The following LPP variants were observed in gnomAD, a reference collection of about 807,000 sequenced individuals.
The protein encoded by LPP is lipoma-preferred partner.
LPP carries 38 observed loss-of-function variants against 60.4 expected under a neutral mutation model. That is an observed-to-expected ratio of 0.63 (90% CI 0.49 to 0.83). The LOEUF (loss-of-function observed/expected upper bound fraction) is 0.83, where lower values mean the gene tolerates loss of function less well. LPP is among the 40% of genes least tolerant of loss of function. The pLI is 0.00. For missense variants in LPP, 902 were observed against 783.6 expected, an observed-to-expected ratio of 1.15 and a Z score of -1.80; for synonymous variants, 328 against 290.8, an observed-to-expected ratio of 1.13 and a Z score of -1.30.
At chr3:188,748,490 T>A (rs1727004303) in intron 8 of LPP, among the ~76,000 whole-genome samples, 2 of 151,900 alleles carry the variant, frequency 1.3e-5, no homozygotes, top group East Asian at 1.9e-4. Context: ...TTAAAAAAAA[T>A]AATAAACAAC....
intron 3 of LPP, among the ~76,000 whole-genome samples, chr3:188,344,427 G>C (rs1763807336): frequency 6.6e-6 from 1 of 152,182 alleles, no homozygotes; most frequent in African/African-American, 2.4e-5. Context: ...GAAGCCATGA[G>C]AATCCTTTTC....
intron 8 of LPP, chr3:188,711,029 T>C (rs923039424): frequency 1.3e-5 from 2 of 152,214 alleles, no homozygotes; most frequent in Non-Finnish European, 2.9e-5. Flanking sequence ...GTTCTTGGCA[T>C]GTAGAATATG....
At chr3:188,592,401 T>C (rs1272188012) in intron 6 of LPP, among the ~76,000 whole-genome samples, 1 of 151,554 alleles carries the variant, frequency 6.6e-6, no homozygotes, top group African/African-American at 2.4e-5. Flanking sequence ...TACACACAGA[T>C]ACAAGTATAC....
At chr3:188,448,886 A>G (rs1044855917) in intron 4 of LPP, among the ~76,000 whole-genome samples, 2 of 152,232 alleles carry the variant, frequency 1.3e-5, no homozygotes, top group African/African-American at 4.8e-5. Context: ...TTAGAATCAG[A>G]AATGTGTCTT....
chr3:188,199,339 C>G (rs1730399707), intron 1 of LPP, among the ~76,000 whole-genome samples: 1 of 152,126 alleles, frequency 6.6e-6, no homozygotes, highest in African/African-American at 2.4e-5. Flanking sequence ...AGGCAATAGA[C>G]TTTACATCTT....
intron 8 of LPP, among the ~76,000 whole-genome samples, chr3:188,736,577 A>G (rs1330583217): frequency 2.0e-5 from 3 of 152,062 alleles, no homozygotes; most frequent in East Asian, 3.8e-4. Flanking sequence ...AAACTTTTAG[A>G]AAGTTATTTT....
intron 2 of LPP, among the ~76,000 whole-genome samples, chr3:188,275,796 C>G (rs566386319): frequency 6.6e-6 from 1 of 152,296 alleles, no homozygotes; most frequent in African/African-American, 2.4e-5. Context: ...CTGCCTCAGC[C>G]TCCTGAGTAG....
chr3:188,718,179 G>A (rs1411681024), intron 8 of LPP, among the ~76,000 whole-genome samples: 1 of 152,198 alleles, frequency 6.6e-6, no homozygotes, highest in African/African-American at 2.4e-5. Flanking sequence ...AAAGAAGAAT[G>A]TGATCTTAGA....
At chr3:188,457,739 A>AATATATAT (rs57639615) in intron 4 of LPP, among the ~76,000 whole-genome samples, 6 of 140,074 alleles carry the variant, frequency 4.3e-5, no homozygotes, top group Admixed American at 1.4e-4. Flanking sequence ...AAAAAAAAAA[A>AATATATAT]ATATATATAT....
chr3:188,499,877 G>A lies in LPP; in HGVS notation c.306+15173G>A, dbSNP rs1248752372. ...TTGTCTTTTATTTTTTGATGCTATT[G>A]TATATGGAATGATTTGCTTAATTTC... On this transcript the variant is annotated intron_variant, in intron 5 of 11. Transcript: ENST00000617246. Among the ~76,000 whole-genome samples the A allele has an allele frequency of 2.0e-5, 3 of 151,892 alleles. No individual in the cohort carries two copies. The South Asian group carries it at 6.2e-4, about 32-fold the overall frequency.
chr3:188,642,897 T>C (rs1850432984), intron 7 of LPP, among the ~76,000 whole-genome samples: 1 of 151,942 alleles, frequency 6.6e-6, no homozygotes, highest in Non-Finnish European at 1.5e-5. Context: ...GATCGCACCA[T>C]TGCACTCTAG....
Position 188,880,328 on chromosome 3 carries a change from G to A in LPP, c.*5849G>A, listed in dbSNP as rs567437747. 7.1e-4 allele frequency: 127 copies of A among 178,108 alleles called. No homozygotes were observed. In the Middle Eastern group the frequency reaches 0.011, roughly 15 times the overall value. The allele number at this position is 178,108 out of a possible 1,614,324, so 11.0% of individuals were successfully genotyped here. On this transcript the variant is annotated 3_prime_UTR_variant, in exon 12 of 12. Coordinates refer to ENST00000617246, the MANE Select transcript of LPP (RefSeq NM_001375462.1). ...TTACAGGCGTGAGCCACCGTGCCCCGCGTGTTTTTTTCTTTAGCTGATTGA... is the reference window on the plus strand; with the variant it reads ...TTACAGGCGTGAGCCACCGTGCCCCACGTGTTTTTTTCTTTAGCTGATTGA...
intron 4 of LPP, among the ~76,000 whole-genome samples, chr3:188,465,704 T>G (rs1050202741): frequency 6.6e-6 from 1 of 152,178 alleles, no homozygotes; most frequent in African/African-American, 2.4e-5. Flanking sequence ...TGCGTGGGAA[T>G]GTGTGTATAT....
chr3:188,718,500 C>G (rs1171813998), intron 8 of LPP, among the ~76,000 whole-genome samples: 1 of 152,026 alleles, frequency 6.6e-6, no homozygotes, highest in Non-Finnish European at 1.5e-5. Context: ...ACAAAAGAAC[C>G]AAAGTTTTCT....
intron 3 of LPP, among the ~76,000 whole-genome samples, chr3:188,383,275 ATC>A (rs1445431189): frequency 6.6e-6 from 1 of 152,166 alleles, no homozygotes; most frequent in Non-Finnish European, 1.5e-5. Context: ...CCTAGACATA[ATC>A]AGGAATGACA....
At chr3:188,470,982 C>A (rs1411340545) in intron 4 of LPP, among the ~76,000 whole-genome samples, 1 of 152,166 alleles carries the variant, frequency 6.6e-6, no homozygotes, top group Non-Finnish European at 1.5e-5. Flanking sequence ...GAGGCCCATC[C>A]AGTTAGAGGA....
chr3:188,655,916 G>T (rs1853092384), intron 7 of LPP, among the ~76,000 whole-genome samples: 1 of 151,974 alleles, frequency 6.6e-6, no homozygotes, highest in African/African-American at 2.4e-5. Flanking sequence ...TGGGCCAGTT[G>T]CGGTGGCTCA....
chr3:188,223,547 T>C (rs1352872908), intron 1 of LPP, among the ~76,000 whole-genome samples: 1 of 152,192 alleles, frequency 6.6e-6, no homozygotes, highest in Non-Finnish European at 1.5e-5. Flanking sequence ...GAAAAAATTA[T>C]TAAAAGAGAA....
At chr3:188,687,511 G>A (rs9859863) in intron 7 of LPP, among the ~76,000 whole-genome samples, 22,089 of 152,022 alleles carry the variant, frequency 0.15, 1,883 homozygotes, top group East Asian at 0.21. Context: ...GCTCTTGCTC[G>A]CTTCTCCCTC....
Sources: allele counts gnomAD v4.1 joint callset (sites outside exome capture counted in the v4.1 genomes callset), GRCh38; gene constraint gnomAD v4.1.1; transcripts MANE v1.5; gene names NCBI Gene and HGNC (gene_info 2026-07-23, HGNC 2026-07-21).